TRAPPC5: variants seen among roughly 807,000 people sequenced by gnomAD.
TRAPPC5 encodes trafficking protein particle complex subunit 5, also known as trafficking protein particle complex 5.
Under a neutral mutation model 9.8 loss-of-function variants are expected in TRAPPC5, and 5 were observed. The observed-to-expected ratio is 0.51, with a 90% confidence interval of 0.27 to 1.07. The LOEUF (loss-of-function observed/expected upper bound fraction) is 1.07. Among genes scored for constraint, TRAPPC5 ranks in the 50% least tolerant of loss-of-function variants. The probability of loss-of-function intolerance (pLI) is 0.12; values close to 1 mark genes in which losing one functional copy is unlikely to be tolerated. For missense variants in TRAPPC5, 243 were observed against 291.5 expected, an observed-to-expected ratio of 0.83 and a Z score of 1.21; for synonymous variants, 146 against 140.7, an observed-to-expected ratio of 1.04 and a Z score of -0.26.
rs2032706896 is a variant in TRAPPC5, at chr19:7,685,525, G to A, written c.*2705G>A. 6.6e-6 allele frequency: 1 copy of A among 152,332 alleles called. No individual in the cohort carries two copies. Among genetic ancestry groups the A allele is most frequent in the South Asian group, 2.1e-4 (1 of 4,824 alleles). The allele number at this position is 152,332 out of a possible 1,614,324, so 9.4% of individuals were successfully genotyped here. On this transcript the variant is annotated 3_prime_UTR_variant, in exon 2 of 2. Transcript: ENST00000596148. ...TCACTGGTTATGAGAAGGGCCAAAG[G>A]GGTCGGTGTCACCTCTAGATTTGTT...
chr19:7,685,173 G>A lies in TRAPPC5; in HGVS notation c.*2353G>A, dbSNP rs2032702289. The A allele has an allele frequency of 6.6e-6, 1 of 152,114 alleles. No individual in the cohort carries two copies. The highest frequency in any genetic ancestry group is 1.5e-5 in the Non-Finnish European group (1 of 68,078). 9.4% of individuals were successfully genotyped at this position (152,114 alleles called of 1,614,324 possible). The stretch of plus-strand genomic sequence containing the variant: ...TAATCCCAGCTACTTGGGAGGCTAA[G>A]GCAGGAGGATCACTTAAACCTGGGA... On this transcript the variant is annotated 3_prime_UTR_variant, in exon 2 of 2. Transcript: ENST00000596148.
At position 7,685,906 on chromosome 19, in the gene TRAPPC5, C is replaced by A. The variant is rs2032711032; in HGVS notation, c.*3086C>A. ...CTGGGCGTCTGCACAGACACAGAAA[C>A]CACAGTCCTGGATGGGGGACGGAGG... On this transcript the variant is annotated 3_prime_UTR_variant, in exon 2 of 2. Coordinates refer to ENST00000596148, the MANE Select transcript of TRAPPC5 (RefSeq NM_001042462.2). 6.6e-6 allele frequency: 1 copy of A among 152,444 alleles called. No individual in the cohort carries two copies. The allele number at this position is 152,444 out of a possible 1,614,324, so 9.4% of individuals were successfully genotyped here. A position where few individuals can be genotyped will look rare whatever the true frequency, so the allele number is the denominator to read the frequency against.
Position 7,687,661 on chromosome 19 carries a change from T to C in TRAPPC5, c.*4841T>C, listed in dbSNP as rs973405003. 5 of 152,262 alleles carry C rather than the reference T, an allele frequency of 3.3e-5. No individual in the cohort carries two copies. Among genetic ancestry groups the C allele is most frequent in the Non-Finnish European group, 7.3e-5 (5 of 68,032 alleles). The allele number at this position is 152,262 out of a possible 1,614,324, so 9.4% of individuals were successfully genotyped here. A position where few individuals can be genotyped will look rare whatever the true frequency, so the allele number is the denominator to read the frequency against. ...GGCTTCATGTCCTGCACATTCTCCGTGTCATAGAGCAGGAAAAAATAAAAA... is the reference window on the plus strand; with the variant it reads ...GGCTTCATGTCCTGCACATTCTCCGCGTCATAGAGCAGGAAAAAATAAAAA... On this transcript the variant is annotated 3_prime_UTR_variant, in exon 2 of 2. Transcript: ENST00000596148.
rs2032637984 is a variant in TRAPPC5, at chr19:7,681,645, C to T, written c.-12-597C>T. 1.3e-5 allele frequency among the ~76,000 whole-genome samples: 2 copies of T among 152,052 alleles called. No individual in the cohort carries two copies. Among genetic ancestry groups the T allele is most frequent in the Non-Finnish European group, 2.9e-5 (2 of 67,990 alleles). ...CACGGATCCCCCCTGTTAAAGCCCC[C>T]AACCCTCCTGGCTTTTGGTCTTGAC... On this transcript the variant is annotated intron_variant, in intron 1 of 1. Coordinates refer to ENST00000596148, the MANE Select transcript of TRAPPC5 (RefSeq NM_001042462.2). This position sits in a 1 kb window ranked among gnomAD's most constrained non-coding sequence, Gnocchi z 8.7.
chr19:7,682,422 C>T lies in TRAPPC5; in HGVS notation c.169C>T (p.Leu57=). Residue 57 remains leucine, a synonymous_variant, in exon 2 of 2, where the codon CTG becomes TTG. Transcript: ENST00000596148. This position sits in a 1 kb window ranked among gnomAD's most constrained non-coding sequence, Gnocchi z 8.6. ...VAELQSRLAA[L]GRQVGARVLD... ...CGAGCTGCAGTCGCGCCTGGCCGCGCTGGGCCGCCAGGTGGGCGCGCGCGT... is the reference window on the plus strand; with the variant it reads ...CGAGCTGCAGTCGCGCCTGGCCGCGTTGGGCCGCCAGGTGGGCGCGCGCGT... The T allele has an allele frequency of 6.3e-7, 1 of 1,596,006 alleles. No homozygotes were observed.
Position 7,683,052 on chromosome 19 carries a change from G to A in TRAPPC5, c.*232G>A. On this transcript the variant is annotated 3_prime_UTR_variant, in exon 2 of 2. Transcript: ENST00000596148. ...AATAAACCCGGCAAAAGGAGTTGGT[G>A]GGAAATGCTGGCAGGTTCTGGAATC... is the stretch of plus-strand genomic sequence containing the variant. 1.8e-6 allele frequency: 1 copy of A among 558,458 alleles called. No homozygotes were observed. Among genetic ancestry groups the A allele is most frequent in the Non-Finnish European group, 3.2e-6 (1 of 315,434 alleles). 34.6% of individuals were successfully genotyped at this position (558,458 alleles called of 1,614,324 possible).
rs558840591 is a variant in TRAPPC5 at position 7,682,273 on chromosome 19, G to A, written c.20G>A (p.Arg7His). MEARFT[R>H]GKSALLERAL... ...GGCGGCATGGAGGCGCGCTTCACGC[G>A]CGGGAAGTCGGCGCTGCTGGAGCGC... The change falls in exon 2 of 2, where the codon CGC becomes CAC. Residue 7 changes from arginine (R) to histidine (H), a missense_variant. Physicochemically the swap from Arg to His is conservative, Grantham distance 29 (BLOSUM62 0). Transcript: ENST00000596148. This position sits in a 1 kb window ranked among gnomAD's most constrained non-coding sequence, Gnocchi z 8.6. 4.2e-6 allele frequency: 6 copies of A among 1,414,758 alleles called. No homozygotes were observed. The highest frequency in any genetic ancestry group is 7.0e-5 in the Admixed American group (2 of 28,676). 87.6% of individuals were successfully genotyped at this position (1,414,758 alleles called of 1,614,324 possible).
At position 7,682,204 on chromosome 19, in the gene TRAPPC5, A is replaced by G. The variant is rs1410747825; in HGVS notation, c.-12-38A>G. The G allele has an allele frequency of 1.5e-6, 2 of 1,364,832 alleles. No individual in the cohort carries two copies. The highest frequency in any genetic ancestry group is 3.9e-5 in the Admixed American group (1 of 25,798). The allele number at this position is 1,364,832 out of a possible 1,614,324, so 84.5% of individuals were successfully genotyped here. A position where few individuals can be genotyped will look rare whatever the true frequency, so the allele number is the denominator to read the frequency against. Reference sequence around the variant, plus strand: ...TTCCTCCCGGCCTGCTCCCCTTCCCATTGCCCCTGACACCTGCACTTCCTG... The same window carrying G: ...TTCCTCCCGGCCTGCTCCCCTTCCCGTTGCCCCTGACACCTGCACTTCCTG... On this transcript the variant is annotated intron_variant, in intron 1 of 1. Coordinates refer to ENST00000596148, the MANE Select transcript of TRAPPC5 (RefSeq NM_001042462.2). The surrounding 1 kb of genome is among the most constrained non-coding windows in gnomAD (Gnocchi z 8.6).
Position 7,681,808 on chromosome 19 carries a change from C to T in TRAPPC5, c.-12-434C>T, listed in dbSNP as rs1209388284. 6.6e-6 allele frequency among the ~76,000 whole-genome samples: 1 copy of T among 151,972 alleles called. No homozygotes were observed. The highest frequency in any genetic ancestry group is 1.9e-4 in the East Asian group (1 of 5,162). ...GACTGCCCATATCCCCTCGTGGTGC[C>T]TCATCTTTGTCACCTCCCTGCCCTA... On this transcript the variant is annotated intron_variant, in intron 1 of 1. Transcript: ENST00000596148. The surrounding 1 kb of genome is among the most constrained non-coding windows in gnomAD (Gnocchi z 8.7).
Position 7,682,516 on chromosome 19 carries a change from T to C in TRAPPC5, c.263T>C (p.Phe88Ser). ...RETKVLGALL[F>S]VKGAVWKALF... ...ACCAAGGTGCTAGGCGCGTTGCTCT[T>C]CGTCAAGGGCGCCGTGTGGAAGGCG... Residue 88 changes from phenylalanine to serine, a missense_variant, in exon 2 of 2, where the codon TTC becomes TCC. Phe to Ser is a radical substitution (Grantham distance 155). This residue lies in a region of TRAPPC5 where 154 missense variants were observed against 215.8 expected (regional missense o/e 0.71). Transcript: ENST00000596148. The surrounding 1 kb of genome is among the most constrained non-coding windows in gnomAD (Gnocchi z 8.6). The C allele has an allele frequency of 6.2e-7, 1 of 1,613,128 alleles. No individual in the cohort carries two copies. Among genetic ancestry groups the C allele is most frequent in the South Asian group, 1.1e-5 (1 of 91,086 alleles).
rs1382702500 is a variant in TRAPPC5 at position 7,682,036 on chromosome 19, TC to T, written c.-12-200del. ...CCGCTGCCTGCCGAGGGTATAAGACTCCCCCCTCCCTTGATTTATCTGGTTA... is the reference window on the plus strand; with the variant it reads ...CCGCTGCCTGCCGAGGGTATAAGACTCCCCCTCCCTTGATTTATCTGGTTA... On this transcript the variant is annotated intron_variant, in intron 1 of 1. Transcript: ENST00000596148. This position sits in a 1 kb window ranked among gnomAD's most constrained non-coding sequence, Gnocchi z 8.6. Among the ~76,000 whole-genome samples the T allele has an allele frequency of 1.3e-5, 2 of 152,132 alleles. No homozygotes were observed. Among genetic ancestry groups the T allele is most frequent in the African/African-American group, 4.8e-5 (2 of 41,496 alleles).
Position 7,682,799 on chromosome 19 carries a change from C to T in TRAPPC5, c.546C>T (p.Asp182=). 6.2e-7 allele frequency: 1 copy of T among 1,603,282 alleles called. No individual in the cohort carries two copies. Among genetic ancestry groups the T allele is most frequent in the Non-Finnish European group, 8.5e-7 (1 of 1,174,006 alleles). The change falls in exon 2 of 2, where the codon GAC becomes GAT. Residue 182 remains aspartate, a synonymous_variant. Transcript: ENST00000596148. The surrounding 1 kb of genome is among the most constrained non-coding windows in gnomAD (Gnocchi z 8.6). ...IKFEEAVIAR[D]RALEGR ...TCGAGGAGGCAGTCATCGCTCGAGA[C>T]CGGGCCCTGGAGGGCCGCTGACCCT...
In TRAPPC5 at chr19:7,682,940, GC is replaced by G; in HGVS notation, c.*122del. Reference sequence around the variant, plus strand: ...GCCCTGCCCCAGGCTGGGGAGGGAGGCCAGGTCCGAATGTGTTTACAGTAGA... The same window carrying G: ...GCCCTGCCCCAGGCTGGGGAGGGAGGCAGGTCCGAATGTGTTTACAGTAGA... On this transcript the variant is annotated 3_prime_UTR_variant, in exon 2 of 2. Coordinates refer to ENST00000596148, the MANE Select transcript of TRAPPC5 (RefSeq NM_001042462.2). This position sits in a 1 kb window ranked among gnomAD's most constrained non-coding sequence, Gnocchi z 8.6. 8.4e-7 allele frequency: 1 copy of G among 1,189,562 alleles called. No homozygotes were observed. 73.7% of individuals were successfully genotyped at this position (1,189,562 alleles called of 1,614,324 possible).
In TRAPPC5 at chr19:7,682,313, G is replaced by A; in HGVS notation, c.60G>A (p.Pro20=). The A allele has an allele frequency of 1.3e-6, 2 of 1,506,814 alleles. No homozygotes were observed. Among genetic ancestry groups the A allele is most frequent in the South Asian group, 1.3e-5 (1 of 77,140 alleles). 93.3% of individuals were successfully genotyped at this position (1,506,814 alleles called of 1,614,324 possible). ...TGCTGGAGCGCGCGCTGGCGCGGCC[G>A]CGCACCGAGGTGAGCCTGAGCGCCT... ...SALLERALAR[P]RTEVSLSAFA... is the part of the protein sequence containing the mutation. Residue 20 remains proline, a synonymous_variant, in exon 2 of 2, where the codon CCG becomes CCA. Coordinates refer to ENST00000596148, the MANE Select transcript of TRAPPC5 (RefSeq NM_001042462.2). This position sits in a 1 kb window ranked among gnomAD's most constrained non-coding sequence, Gnocchi z 8.6.
chr19:7,681,579 G>C lies in TRAPPC5; in HGVS notation c.-12-663G>C, dbSNP rs1055977906. Among the ~76,000 whole-genome samples, 1 of 152,120 alleles carries C rather than the reference G, an allele frequency of 6.6e-6. No homozygotes were observed. Among genetic ancestry groups the C allele is most frequent in the African/African-American group, 2.4e-5 (1 of 41,408 alleles). On this transcript the variant is annotated intron_variant, in intron 1 of 1. Transcript: ENST00000596148. This position sits in a 1 kb window ranked among gnomAD's most constrained non-coding sequence, Gnocchi z 8.7. ...TGACACATCGGAGCTGCCTGCCTGA[G>C]GGCTTGGGGTTGGGGGTTACCCGCC...
rs1217358021 is a variant in TRAPPC5, at chr19:7,684,789, C to T, written c.*1969C>T. The T allele has an allele frequency of 2.0e-5, 3 of 152,138 alleles. No individual in the cohort carries two copies. The highest frequency in any genetic ancestry group is 2.9e-5 in the Non-Finnish European group (2 of 68,030). The allele number at this position is 152,138 out of a possible 1,614,324, so 9.4% of individuals were successfully genotyped here. A position where few individuals can be genotyped will look rare whatever the true frequency, so the allele number is the denominator to read the frequency against. Reference sequence around the variant, plus strand: ...ACTGTGTTGGCCAGTCTGGTCAATACTTTAAAGTTAATTTTAAAGTCCAGG... The same window carrying T: ...ACTGTGTTGGCCAGTCTGGTCAATATTTTAAAGTTAATTTTAAAGTCCAGG... On this transcript the variant is annotated 3_prime_UTR_variant, in exon 2 of 2. Coordinates refer to ENST00000596148, the MANE Select transcript of TRAPPC5 (RefSeq NM_001042462.2).
Position 7,685,060 on chromosome 19 carries a change from C to T in TRAPPC5, c.*2240C>T, listed in dbSNP as rs944131892. ...CCGAGGTGGGCAGATCACTTGAGGC[C>T]GGAAGTTTGAGACCAACCTGGTCAA... On this transcript the variant is annotated 3_prime_UTR_variant, in exon 2 of 2. Transcript: ENST00000596148. 6.6e-6 allele frequency: 1 copy of T among 152,048 alleles called. No homozygotes were observed. The highest frequency in any genetic ancestry group is 2.4e-5 in the African/African-American group (1 of 41,388). The allele number at this position is 152,048 out of a possible 1,614,324, so 9.4% of individuals were successfully genotyped here. A position where few individuals can be genotyped will look rare whatever the true frequency, so the allele number is the denominator to read the frequency against.
Position 7,687,132 on chromosome 19 carries a change from G to C in TRAPPC5, c.*4312G>C, listed in dbSNP as rs566811665. 4 of 152,714 alleles carry C rather than the reference G, an allele frequency of 2.6e-5. No individual in the cohort carries two copies. The highest frequency in any genetic ancestry group is 2.6e-4 in the Admixed American group (4 of 15,300). The allele number at this position is 152,714 out of a possible 1,614,324, so 9.5% of individuals were successfully genotyped here. A position where few individuals can be genotyped will look rare whatever the true frequency, so the allele number is the denominator to read the frequency against. On this transcript the variant is annotated 3_prime_UTR_variant, in exon 2 of 2. Coordinates refer to ENST00000596148, the MANE Select transcript of TRAPPC5 (RefSeq NM_001042462.2). ...ACTTCTGGAAAGGGGGCAGTGAAGAGAGAGCCCCGGGCGGAGGTGACTGCT... is the reference window on the plus strand; with the variant it reads ...ACTTCTGGAAAGGGGGCAGTGAAGACAGAGCCCCGGGCGGAGGTGACTGCT...
In TRAPPC5 at chr19:7,686,186, C is replaced by G. The variant is rs371646498; in HGVS notation, c.*3366C>G. On this transcript the variant is annotated 3_prime_UTR_variant, in exon 2 of 2. Coordinates refer to ENST00000596148, the MANE Select transcript of TRAPPC5 (RefSeq NM_001042462.2). ...GTCTGTTCCCACGCCCCATCCCCAC[C>G]GGCCACCGAGGGTGAGTTAGGGGGC... is the stretch of plus-strand genomic sequence containing the variant. 1 of 152,320 alleles carries G rather than the reference C, an allele frequency of 6.6e-6. No homozygotes were observed. Among genetic ancestry groups the G allele is most frequent in the African/African-American group, 2.4e-5 (1 of 41,426 alleles). The allele number at this position is 152,320 out of a possible 1,614,324, so 9.4% of individuals were successfully genotyped here.
Sources: gnomAD v4.1 joint callset for allele counts (sites outside exome capture counted in the v4.1 genomes callset) on GRCh38, gnomAD v4.1.1 for gene constraint, gnomAD v4.1.1 regional missense constraint, Gnocchi (gnomAD v3.1) non-coding constraint, MANE v1.5 for transcripts, NCBI Gene and HGNC (gene_info 2026-07-23, HGNC 2026-07-21) for gene names.